The following SH3RF1 variants were observed in gnomAD, a reference collection of about 807,000 sequenced individuals.
SH3RF1 encodes the protein SH3 domain containing ring finger 1.
SH3RF1 carries 32 observed loss-of-function variants against 74.0 expected under a neutral mutation model. The ratio of observed to expected loss-of-function variants is 0.43; its 90% confidence interval spans 0.33 to 0.58. SH3RF1 has a LOEUF of 0.58. Among genes scored for constraint, SH3RF1 ranks in the 20% least tolerant of loss-of-function variants. The pLI is 0.05. For missense variants in SH3RF1, 954 were observed against 1,130.9 expected, an observed-to-expected ratio of 0.84 and a Z score of 2.24; for synonymous variants, 396 against 439.6, an observed-to-expected ratio of 0.90 and a Z score of 1.24.
At chr4:169,161,148 A>G (rs974174785) in intron 2 of SH3RF1, among the ~76,000 whole-genome samples, 3 of 152,216 alleles carry the variant, frequency 2.0e-5, no homozygotes, top group South Asian at 2.1e-4. Context: ...AAGGAGAGAA[A>G]GCCAAAGAGA....
At chr4:169,208,017 T>C (rs1184960871) in intron 2 of SH3RF1, among the ~76,000 whole-genome samples, 1 of 152,256 alleles carries the variant, frequency 6.6e-6, no homozygotes, top group Admixed American at 6.5e-5. Context: ...TGAATGAGCA[T>C]AGACTCTACT....
chr4:169,146,283 G>A (rs1413013782), intron 4 of SH3RF1, among the ~76,000 whole-genome samples: 3 of 145,390 alleles, frequency 2.1e-5, no homozygotes, highest in Non-Finnish European at 4.5e-5. Flanking sequence ...AGGCTGCAGT[G>A]CAGTGGCGCT....
At chr4:169,203,353 C>T (rs1734941535) in intron 2 of SH3RF1, among the ~76,000 whole-genome samples, 1 of 152,022 alleles carries the variant, frequency 6.6e-6, no homozygotes, top group African/African-American at 2.4e-5. Context: ...GAGTTCCAGA[C>T]CAGCCTGGGC....
In SH3RF1 at chr4:169,227,804, C is replaced by T. The variant is rs556222428; in HGVS notation, c.393+41016G>A. ...TTTTAAGAGGAATGTCAAAGGGCTA[C>T]GGGATAGACAGTGGAATTTCCCACA... On this transcript the variant is annotated intron_variant, in intron 2 of 11. Coordinates refer to ENST00000284637, the MANE Select transcript of SH3RF1 (RefSeq NM_020870.4). Among the ~76,000 whole-genome samples, 25 of 152,300 alleles carry T rather than the reference C, an allele frequency of 1.6e-4. No individual in the cohort carries two copies. The South Asian group carries it at 4.8e-3, about 29-fold the overall frequency.
intron 2 of SH3RF1, among the ~76,000 whole-genome samples, chr4:169,253,545 C>G (rs1318776648): frequency 6.6e-6 from 1 of 152,172 alleles, no homozygotes; most frequent in Non-Finnish European, 1.5e-5. Context: ...CCTCTTTCCG[C>G]TCCATTCTCA....
At chr4:169,252,073 G>A (rs1731114873) in intron 2 of SH3RF1, among the ~76,000 whole-genome samples, 1 of 152,202 alleles carries the variant, frequency 6.6e-6, no homozygotes. Flanking sequence ...CAAGAACCAC[G>A]TGAGATGTGC....
At chr4:169,247,045 C>A (rs1731005450) in intron 2 of SH3RF1, among the ~76,000 whole-genome samples, 1 of 152,148 alleles carries the variant, frequency 6.6e-6, no homozygotes, top group African/African-American at 2.4e-5. Context: ...TACCATAAAT[C>A]AAAAGCAGTT....
chr4:169,257,189 T>C (rs1731205184), intron 2 of SH3RF1, among the ~76,000 whole-genome samples: 1 of 152,200 alleles, frequency 6.6e-6, no homozygotes, highest in Non-Finnish European at 1.5e-5. Flanking sequence ...CCAGACACTT[T>C]CTGTCCAGCA....
intron 2 of SH3RF1, among the ~76,000 whole-genome samples, chr4:169,191,298 C>CAAAA (rs35344441): frequency 4.4e-5 from 5 of 113,248 alleles, no homozygotes; most frequent in East Asian, 2.3e-4. Context: ...ACAATAGCTG[C>CAAAA]AAAAAAAAAA....
At chr4:169,262,277 C>CT (rs1304335513) in intron 2 of SH3RF1, among the ~76,000 whole-genome samples, 2 of 152,188 alleles carry the variant, frequency 1.3e-5, no homozygotes, top group Non-Finnish European at 2.9e-5. Flanking sequence ...TATATACACA[C>CT]TTAATAACAT....
chr4:169,234,567 A>G (rs116146634), intron 2 of SH3RF1, among the ~76,000 whole-genome samples: 1,539 of 152,318 alleles, frequency 0.01, 33 homozygotes, highest in African/African-American at 0.035. Context: ...GAATTAATTA[A>G]CAAACTTCTA....
chr4:169,248,908 G>A (rs896981554), intron 2 of SH3RF1, among the ~76,000 whole-genome samples: 2 of 152,200 alleles, frequency 1.3e-5, no homozygotes, highest in South Asian at 4.1e-4. Context: ...TTGCCAATGT[G>A]ATGGTATTAA....
chr4:169,102,398 T>TC (rs1733054837), intron 11 of SH3RF1, among the ~76,000 whole-genome samples: 1 of 152,110 alleles, frequency 6.6e-6, no homozygotes, highest in Non-Finnish European at 1.5e-5. Flanking sequence ...TACATAGATT[T>TC]TTTTTTTTCC....
At chr4:169,225,239 A>G (rs574697414) in intron 2 of SH3RF1, among the ~76,000 whole-genome samples, 2 of 152,328 alleles carry the variant, frequency 1.3e-5, no homozygotes, top group South Asian at 2.1e-4. Context: ...AAAGGAAGGT[A>G]GTATGACCTG....
intron 2 of SH3RF1, among the ~76,000 whole-genome samples, chr4:169,248,108 T>A (rs1437306071): frequency 6.6e-6 from 1 of 152,152 alleles, no homozygotes; most frequent in Non-Finnish European, 1.5e-5. Context: ...GAGCCAGAAA[T>A]ACTATTTGAT....
intron 2 of SH3RF1, among the ~76,000 whole-genome samples, chr4:169,199,395 G>A (rs749161559): frequency 2.6e-5 from 4 of 152,150 alleles, no homozygotes; most frequent in Non-Finnish European, 4.4e-5. Flanking sequence ...AAAGACTCGG[G>A]TTCTTACCAT....
intron 2 of SH3RF1, among the ~76,000 whole-genome samples, chr4:169,236,610 C>T (rs1436701881): frequency 1.3e-5 from 2 of 152,184 alleles, no homozygotes; most frequent in African/African-American, 4.8e-5. Flanking sequence ...CGTAGTGTTG[C>T]TATGAGAATT....
At chr4:169,172,708 G>T (rs1435041074) in intron 2 of SH3RF1, among the ~76,000 whole-genome samples, 1 of 152,182 alleles carries the variant, frequency 6.6e-6, no homozygotes, top group African/African-American at 2.4e-5. Context: ...TGGCAGGGGT[G>T]AGGGTGTTGC....
chr4:169,187,355 G>A (rs1302565168), intron 2 of SH3RF1, among the ~76,000 whole-genome samples: 1 of 151,956 alleles, frequency 6.6e-6, no homozygotes, highest in African/African-American at 2.4e-5. Flanking sequence ...ACCATGCTTG[G>A]CTAATTTTTT....
Sources: gnomAD v4.1 joint callset for allele counts (sites outside exome capture counted in the v4.1 genomes callset) on GRCh38, gnomAD v4.1.1 for gene constraint, MANE v1.5 for transcripts, NCBI Gene and HGNC (gene_info 2026-07-23, HGNC 2026-07-21) for gene names.